The following GLT1D1 variants were observed in gnomAD, a reference collection of about 807,000 sequenced individuals.
GLT1D1 encodes the protein glycosyltransferase 1 domain containing 1.
Under a neutral mutation model 28.7 loss-of-function variants are expected in GLT1D1, and 21 were observed. The ratio of observed to expected loss-of-function variants is 0.73; its 90% CI spans 0.52 to 1.05. The LOEUF (loss-of-function observed/expected upper bound fraction) is 1.05, where lower values mean the gene tolerates loss of function less well. Among genes scored for constraint, GLT1D1 ranks in the 50% least tolerant of loss-of-function variants. GLT1D1 has a pLI of 0.00. For synonymous variants in GLT1D1, 147 were observed against 124.8 expected, an observed-to-expected ratio of 1.18 and a Z score of -1.19; for missense variants, 343 against 330.6, an observed-to-expected ratio of 1.04 and a Z score of -0.29.
intron 2 of GLT1D1, among the ~76,000 whole-genome samples, chr12:128,878,180 A>G (rs188280617): frequency 5.5e-4 from 84 of 152,296 alleles, no homozygotes; most frequent in African/African-American, 1.7e-3. Flanking sequence ...AGGTTCATGT[A>G]CACCCATGCA....
chr12:128,859,990 C>T (rs890915495), intron 1 of GLT1D1, among the ~76,000 whole-genome samples: 5 of 152,116 alleles, frequency 3.3e-5, no homozygotes, highest in African/African-American at 4.8e-5. Flanking sequence ...CTGTGTGTCA[C>T]GTTAAATATT....
At position 128,942,735 on chromosome 12, in the gene GLT1D1, G is replaced by GTTTTTTTTTTT. The variant is rs1397894974; in HGVS notation, c.376-2588_376-2587insTTTTTTTTTTT. Among the ~76,000 whole-genome samples the GTTTTTTTTTTT allele has an allele frequency of 7.3e-4, 65 of 89,496 alleles. 13 individuals are homozygous for GTTTTTTTTTTT. Among genetic ancestry groups the GTTTTTTTTTTT allele is most frequent in the African/African-American group, 2.5e-3 (58 of 23,096 alleles). 58.7% of individuals were successfully genotyped at this position (89,496 alleles called of 152,430 possible). On this transcript the variant is annotated intron_variant, in intron 4 of 7. Transcript: ENST00000281703. ...ATCACTTTAGATTCCAATTTTCTTT[G>GTTTTTTTTTTT]TTTGTTTGTTTTTGTTTTTTGTTTT...
At chr12:128,962,002 G>A (rs1197462250) in intron 7 of GLT1D1, among the ~76,000 whole-genome samples, 1 of 152,034 alleles carries the variant, frequency 6.6e-6, no homozygotes, top group Non-Finnish European at 1.5e-5. Flanking sequence ...TCCTACGGTG[G>A]CCTTGTGTGT....
chr12:128,907,681 T>G lies in GLT1D1; in HGVS notation c.375+8394T>G, dbSNP rs536266983. 3.9e-5 allele frequency among the ~76,000 whole-genome samples: 6 copies of G among 152,336 alleles called. No individual in the cohort carries two copies. The East Asian group carries it at 7.7e-4, about 20-fold the overall frequency. Reference sequence around the variant, plus strand: ...TGGATGGAACTGCAAATGTTCTTTATGTCTGTGTGGGTTTTTTTGTTTGTT... The same window carrying G: ...TGGATGGAACTGCAAATGTTCTTTAGGTCTGTGTGGGTTTTTTTGTTTGTT... On this transcript the variant is annotated intron_variant, in intron 4 of 7. Coordinates refer to ENST00000281703, the MANE Select transcript of GLT1D1 (RefSeq NM_144669.3).
At chr12:128,973,214 G>A (rs12299394) in intron 7 of GLT1D1, among the ~76,000 whole-genome samples, 4 of 85,198 alleles carry the variant, frequency 4.7e-5, no homozygotes, top group Non-Finnish European at 7.2e-5. Flanking sequence ...TTTGAGACTC[G>A]CTCTGTTGCC....
intron 2 of GLT1D1, among the ~76,000 whole-genome samples, chr12:128,886,256 C>A (rs1868378573): frequency 6.6e-6 from 1 of 152,146 alleles, no homozygotes; most frequent in Admixed American, 6.5e-5. Context: ...TTATCAACAG[C>A]TTGAAAATGG....
chr12:128,914,566 T>A (rs1231006339), intron 4 of GLT1D1, among the ~76,000 whole-genome samples: 2 of 152,164 alleles, frequency 1.3e-5, no homozygotes, highest in Non-Finnish European at 2.9e-5. Flanking sequence ...ACACCTGTAA[T>A]CCCAGCACTT....
chr12:128,892,997 G>A (rs1869230984), intron 3 of GLT1D1, among the ~76,000 whole-genome samples: 1 of 152,140 alleles, frequency 6.6e-6, no homozygotes, highest in African/African-American at 2.4e-5. Flanking sequence ...TGTAATCCCA[G>A]CACTTTGAGA....
intron 1 of GLT1D1, among the ~76,000 whole-genome samples, chr12:128,856,507 G>C (rs1428829602): frequency 2.0e-5 from 3 of 152,186 alleles, no homozygotes; most frequent in African/African-American, 7.2e-5. Context: ...GGTCTGGGAG[G>C]CTGTCTCCGG....
At chr12:128,958,327 C>T (rs1025904163) in intron 7 of GLT1D1, among the ~76,000 whole-genome samples, 3 of 152,122 alleles carry the variant, frequency 2.0e-5, no homozygotes, top group African/African-American at 7.2e-5. Context: ...AAGTGGAGCT[C>T]ATAGTAATAC....
chr12:128,926,400 A>T (rs987554510), intron 4 of GLT1D1: 1 of 1,532,614 alleles, frequency 6.5e-7, no homozygotes. Context: ...ATTTCTTCTG[A>T]TATGTGGACT....
intron 4 of GLT1D1, among the ~76,000 whole-genome samples, chr12:128,901,851 C>T (rs1870314650): frequency 6.7e-6 from 1 of 150,098 alleles, no homozygotes; most frequent in African/African-American, 2.5e-5. Flanking sequence ...AGGCTCAAGC[C>T]ATCCTCCCAC....
At chr12:128,861,199 A>G (rs961133173) in intron 1 of GLT1D1, among the ~76,000 whole-genome samples, 20 of 152,170 alleles carry the variant, frequency 1.3e-4, no homozygotes, top group Admixed American at 1.3e-3. Context: ...CCAGTTTTGT[A>G]AATAAAGTTG....
chr12:128,926,244 G>A (rs12425716), intron 4 of GLT1D1, 115 bp from the exon 7 acceptor site: 98,910 of 352,328 alleles, frequency 0.28, 16,156 homozygotes, highest in Non-Finnish European at 0.34. Context: ...ATAAGAGTAG[G>A]AGAAGCTGGC....
chr12:128,917,588 A>G (rs893679071), intron 4 of GLT1D1, among the ~76,000 whole-genome samples: 3 of 152,172 alleles, frequency 2.0e-5, no homozygotes, highest in African/African-American at 7.2e-5. Flanking sequence ...TCCTGCTGCA[A>G]ACTTCTAAGA....
Position 128,972,488 on chromosome 12 carries a change from C to G in GLT1D1, c.640-10441C>G, listed in dbSNP as rs183072140. ...TTGTGGCCCGGGAAGAACCGGGGAG[C>G]AACTGTGTGACTGGGTGCTCCTCCT... On this transcript the variant is annotated intron_variant, in intron 7 of 7. Coordinates refer to ENST00000281703, the MANE Select transcript of GLT1D1 (RefSeq NM_144669.3). Among the ~76,000 whole-genome samples the G allele has an allele frequency of 1.1e-3, 171 of 151,132 alleles. 1 individual carries two copies. Among genetic ancestry groups the G allele is most frequent in the Non-Finnish European group, 1.8e-3 (122 of 67,320 alleles).
chr12:128,892,305 G>A (rs950544572), intron 3 of GLT1D1, among the ~76,000 whole-genome samples: 1 of 152,084 alleles, frequency 6.6e-6, no homozygotes, highest in Admixed American at 6.5e-5. Context: ...GTGTGCATGT[G>A]TGTGCGTGTG....
rs561522290 is a variant in GLT1D1 at position 128,984,078 on chromosome 12, T to C, written c.*988T>C. The C allele has an allele frequency of 6.6e-6, 1 of 152,436 alleles. No individual in the cohort carries two copies. The highest frequency in any genetic ancestry group is 1.9e-4 in the East Asian group (1 of 5,176). The allele number at this position is 152,436 out of a possible 1,614,324, so 9.4% of individuals were successfully genotyped here. ...GGAATTTGCCTGGGAGAACCTCCAC[T>C]GAATACTGAAATTGTTGCATGCCTG... On this transcript the variant is annotated 3_prime_UTR_variant, in exon 8 of 8. Transcript: ENST00000281703.
chr12:128,905,132 AAGGGTGC>A (rs1308934878), intron 4 of GLT1D1, among the ~76,000 whole-genome samples: 1 of 152,190 alleles, frequency 6.6e-6, no homozygotes, highest in Admixed American at 6.5e-5. Flanking sequence ...CCCAGAAGCT[AAGGGTGC>A]AGGTCATGCC....
Sources: gnomAD v4.1 joint callset for allele counts (sites outside exome capture counted in the v4.1 genomes callset) on GRCh38, gnomAD v4.1.1 for gene constraint, MANE v1.5 for transcripts, NCBI Gene and HGNC (gene_info 2026-07-23, HGNC 2026-07-21) for gene names.